The following CSMD3 variants were observed in gnomAD, a reference collection of about 807,000 sequenced individuals.
The protein encoded by CSMD3 is CUB and Sushi multiple domains 3, also known as CUB and sushi domain-containing protein 3.
A neutral mutation model predicts 435.2 loss-of-function variants in CSMD3; 177 were observed. The ratio of observed to expected loss-of-function variants is 0.41; its 90% confidence interval spans 0.36 to 0.46. CSMD3 has a LOEUF of 0.46. Among genes scored for constraint, CSMD3 ranks in the 20% least tolerant of loss-of-function variants. The pLI is 0.34. For missense variants in CSMD3, 4,265 were observed against 4,504.6 expected (o/e 0.95, Z 1.52); for synonymous variants, 1,656 against 1,520.5 (o/e 1.09, Z -2.07).
intron 42 of CSMD3, among the ~76,000 whole-genome samples, chr8:112,341,269 C>T (rs2130988731): frequency 6.6e-6 from 1 of 151,860 alleles, no homozygotes; most frequent in South Asian, 2.1e-4. Flanking sequence ...TTAGGATTTT[C>T]TAAGGTCTCA....
chr8:113,346,259 A>T (rs1026742994), intron 1 of CSMD3, among the ~76,000 whole-genome samples: 1 of 151,936 alleles, frequency 6.6e-6, no homozygotes, highest in African/African-American at 2.4e-5. Context: ...TTAAATATTT[A>T]TTGGCCTTTC....
At chr8:113,044,975 A>G (rs2087769320) in intron 5 of CSMD3, among the ~76,000 whole-genome samples, 1 of 149,188 alleles carries the variant, frequency 6.7e-6, no homozygotes, top group Admixed American at 6.7e-5. Context: ...TATTCAGCTC[A>G]AATGTCACTT....
At chr8:112,395,795 G>T (rs1330525966) in intron 35 of CSMD3, among the ~76,000 whole-genome samples, 1 of 152,134 alleles carries the variant, frequency 6.6e-6, no homozygotes, top group Non-Finnish European at 1.5e-5. Flanking sequence ...CATAGTTTAA[G>T]AAATGTGAAA....
At chr8:112,283,996 C>T (rs766012086) in intron 58 of CSMD3, among the ~76,000 whole-genome samples, 1 of 149,932 alleles carries the variant, frequency 6.7e-6, no homozygotes, top group East Asian at 2.0e-4. Context: ...AACAAAATAT[C>T]ACATGTGCCC....
chr8:112,461,444 A>C (rs181684217), intron 32 of CSMD3, among the ~76,000 whole-genome samples: 1 of 152,046 alleles, frequency 6.6e-6, no homozygotes, highest in Non-Finnish European at 1.5e-5. Flanking sequence ...TCTTTTTATT[A>C]TTTCAAATAT....
At chr8:112,792,591 C>G (rs2078718533) in intron 13 of CSMD3, among the ~76,000 whole-genome samples, 1 of 152,098 alleles carries the variant, frequency 6.6e-6, no homozygotes, top group Admixed American at 6.6e-5. Flanking sequence ...AGATAGCATG[C>G]TTTTGGTCCC....
chr8:113,040,815 T>C (rs2087574475), intron 5 of CSMD3, among the ~76,000 whole-genome samples: 1 of 152,122 alleles, frequency 6.6e-6, no homozygotes, highest in South Asian at 2.1e-4. Context: ...TTTCTAGATA[T>C]GCACTAAGAC....
intron 1 of CSMD3, among the ~76,000 whole-genome samples, chr8:113,340,283 G>A (rs1052491265): frequency 2.6e-5 from 4 of 151,968 alleles, no homozygotes; most frequent in African/African-American, 9.7e-5. Context: ...AACAAAAAAT[G>A]AGGACATTAG....
chr8:112,662,914 C>T (rs1324251524), intron 17 of CSMD3, among the ~76,000 whole-genome samples: 1 of 152,154 alleles, frequency 6.6e-6, no homozygotes. Context: ...CCAAAAGACA[C>T]ATGAAAAAAA....
intron 2 of CSMD3, chr8:113,309,621 G>T (rs899282977): frequency 2.6e-5 from 4 of 152,168 alleles, no homozygotes; most frequent in African/African-American, 9.7e-5. Flanking sequence ...TCAGGAAAGT[G>T]AAGTTTATGT....
At chr8:113,372,882 C>T (rs531629271) in intron 1 of CSMD3, among the ~76,000 whole-genome samples, 22 of 146,806 alleles carry the variant, frequency 1.5e-4, no homozygotes, top group Non-Finnish European at 1.5e-5. Flanking sequence ...TGCAGTGAGC[C>T]GAGATTGCGC....
At chr8:113,194,959 C>A (rs2092633847) in intron 3 of CSMD3, among the ~76,000 whole-genome samples, 1 of 151,030 alleles carries the variant, frequency 6.6e-6, no homozygotes, top group Non-Finnish European at 1.5e-5. Flanking sequence ...GGTTACAGAA[C>A]CTTCCTCCAT....
intron 32 of CSMD3, among the ~76,000 whole-genome samples, chr8:112,458,634 G>T (rs1440170483): frequency 1.3e-5 from 2 of 152,090 alleles, no homozygotes; most frequent in African/African-American, 4.8e-5. Flanking sequence ...AGACTGCCAA[G>T]CTTGCCAGAT....
intron 4 of CSMD3, among the ~76,000 whole-genome samples, chr8:113,109,267 T>C (rs991570251): frequency 6.6e-6 from 1 of 152,224 alleles, no homozygotes; most frequent in African/African-American, 2.4e-5. Flanking sequence ...ACCATTCCAA[T>C]AGCTCTAATA....
At chr8:112,855,649 CAGAT>C (rs929786918) in intron 11 of CSMD3, among the ~76,000 whole-genome samples, 16 of 151,750 alleles carry the variant, frequency 1.1e-4, no homozygotes, top group South Asian at 2.1e-4. Context: ...TGATAGATGA[CAGAT>C]AGATAGATAT....
chr8:112,786,047 C>T (rs2078529927), intron 13 of CSMD3, among the ~76,000 whole-genome samples: 1 of 152,006 alleles, frequency 6.6e-6, no homozygotes, highest in Non-Finnish European at 1.5e-5. Context: ...GCTATAGTAA[C>T]CAAAACAGCA....
intron 38 of CSMD3, among the ~76,000 whole-genome samples, chr8:112,360,063 A>G (rs764483388): frequency 9.9e-5 from 15 of 152,078 alleles, no homozygotes; most frequent in Non-Finnish European, 1.8e-4. Flanking sequence ...ACTACCGAAT[A>G]CAAAAATAGT....
At chr8:113,338,395 T>C (rs1194606828) in intron 1 of CSMD3, among the ~76,000 whole-genome samples, 1 of 151,928 alleles carries the variant, frequency 6.6e-6, no homozygotes, top group Non-Finnish European at 1.5e-5. Flanking sequence ...CATATACTCA[T>C]GAGAAATAAA....
chr8:112,312,461 G>T (rs527337570), intron 49 of CSMD3, among the ~76,000 whole-genome samples: 1 of 152,094 alleles, frequency 6.6e-6, no homozygotes, highest in South Asian at 2.1e-4. Flanking sequence ...TCACTATGTT[G>T]GCTAGGCTGG....
Sources: allele counts gnomAD v4.1 joint callset (sites outside exome capture counted in the v4.1 genomes callset), GRCh38; gene constraint gnomAD v4.1.1; transcripts MANE v1.5; gene names NCBI Gene and HGNC (gene_info 2026-07-23, HGNC 2026-07-21).